Variants in SLC5A5 observed in about 807,000 individuals in gnomAD.
SLC5A5 encodes the protein sodium/iodide cotransporter.
A neutral mutation model predicts 68.6 loss-of-function variants in SLC5A5; 56 were observed. That is an observed-to-expected ratio of 0.82 (90% confidence interval 0.66 to 1.02). SLC5A5 has a LOEUF of 1.02. SLC5A5 is among the 50% of genes least tolerant of loss of function. The pLI, the probability that SLC5A5 is intolerant of heterozygous loss-of-function variation, is 0.00. For synonymous variants in SLC5A5, 398 were observed against 373.0 expected (o/e 1.07, Z -0.77); for missense variants, 807 against 859.8 (o/e 0.94, Z 0.77).
At position 17,888,617 on chromosome 19, in the gene SLC5A5, T is replaced by TATC. The variant is rs59801766; in HGVS notation, c.1651+189_1651+191dup. 6.1e-3 allele frequency among the ~76,000 whole-genome samples: 797 copies of TATC among 131,466 alleles called. 8 individuals carry two copies. Among genetic ancestry groups the TATC allele is most frequent in the African/African-American group, 0.017 (509 of 30,176 alleles). The allele number at this position is 131,466 out of a possible 152,430, so 86.2% of individuals were successfully genotyped here. A position where few individuals can be genotyped will look rare whatever the true frequency, so the allele number is the denominator to read the frequency against. ...TTATTATTATTATTATTATTATTAT[T>TATC]ATCATCATCATCATCATCATCATCA... On this transcript the variant is annotated intron_variant, in intron 13 of 14. Transcript: ENST00000222248.
chr19:17,874,810 C>A, intron 4 of SLC5A5, 79 bp downstream of exon 4: 2 of 1,406,880 alleles, frequency 1.4e-6, no homozygotes, highest in East Asian at 2.3e-5. Flanking sequence ...GGGCTTGCCC[C>A]TTTCTCCTGA....
intron 3 of SLC5A5, 39 bp from the exon 4 acceptor site, chr19:17,874,625 C>A: frequency 6.2e-7 from 1 of 1,613,866 alleles, no homozygotes; most frequent in Non-Finnish European, 8.5e-7. Context: ...AGTTTGCGCC[C>A]CGCCCAGGGG....
chr19:17,891,966 G>A (rs2030189222), intron 14 of SLC5A5, among the ~76,000 whole-genome samples: 1 of 152,138 alleles, frequency 6.6e-6, no homozygotes. Flanking sequence ...TGTAGGGTCT[G>A]TCTCAGTATG....
chr19:17,882,485 G>A (rs1461654661), intron 10 of SLC5A5, among the ~76,000 whole-genome samples: 2 of 151,044 alleles, frequency 1.3e-5, no homozygotes, highest in African/African-American at 2.4e-5. Flanking sequence ...ACAGGTGTGT[G>A]CCACCATGCC....
chr19:17,888,763 G>A (rs2030032488), intron 13 of SLC5A5, among the ~76,000 whole-genome samples: 1 of 151,642 alleles, frequency 6.6e-6, no homozygotes, highest in Non-Finnish European at 1.5e-5. Flanking sequence ...CTCCCGAGTA[G>A]CTGGGATTAC....
intron 10 of SLC5A5, among the ~76,000 whole-genome samples, chr19:17,883,422 A>G (rs1184559694): frequency 6.6e-6 from 1 of 151,648 alleles, no homozygotes; most frequent in Admixed American, 6.6e-5. Flanking sequence ...TAAAAAAAAA[A>G]AAGAAGAAGA....
intron 8 of SLC5A5, among the ~76,000 whole-genome samples, chr19:17,881,174 C>T (rs751503829): frequency 6.6e-6 from 1 of 152,136 alleles, no homozygotes; most frequent in Non-Finnish European, 1.5e-5. Flanking sequence ...CCTGTCAGGG[C>T]CACGCCTGAC....
intron 2 of SLC5A5, 82 bp downstream of exon 2, chr19:17,874,285 C>T (rs2094301374): frequency 2.2e-6 from 2 of 898,786 alleles, no homozygotes; most frequent in Non-Finnish European, 3.6e-6. Flanking sequence ...ATTCAAGACC[C>T]CGCCCAGACC....
At chr19:17,872,703 A>T in intron 1 of SLC5A5, 27 bp downstream of exon 1, 4 of 1,361,590 alleles carry the variant, frequency 2.9e-6, no homozygotes, top group African/African-American at 1.4e-5. Context: ...CGGGGGTAGG[A>T]CCTGCCCCAC....
chr19:17,895,149 G>T lies in SLC5A5; in HGVS notation c.*1272G>T, dbSNP rs374580432. 8.4e-5 allele frequency: 12 copies of T among 143,196 alleles called. No individual in the cohort carries two copies. In the East Asian group the frequency reaches 2.6e-3, roughly 31 times the overall value. 8.9% of individuals were successfully genotyped at this position (143,196 alleles called of 1,614,324 possible). ...ACTTCTGGCTGCTAGAACTGTCAGA[G>T]AATAAATTTCTGTTGTTTGATGCCA... On this transcript the variant is annotated 3_prime_UTR_variant, in exon 15 of 15. Coordinates refer to ENST00000222248, the MANE Select transcript of SLC5A5 (RefSeq NM_000453.3).
chr19:17,885,829 C>A (rs1022863253), intron 12 of SLC5A5, among the ~76,000 whole-genome samples: 1 of 152,004 alleles, frequency 6.6e-6, no homozygotes, highest in Non-Finnish European at 1.5e-5. Context: ...TAAATGGAAT[C>A]ATAAAATATG....
intron 14 of SLC5A5, among the ~76,000 whole-genome samples, chr19:17,892,554 T>C (rs1213366037): frequency 6.6e-6 from 1 of 151,692 alleles, no homozygotes; most frequent in South Asian, 2.1e-4. Context: ...GGAGAATCGA[T>C]TGAACTCAGG....
chr19:17,891,515 A>C (rs997193475), intron 14 of SLC5A5, among the ~76,000 whole-genome samples: 1 of 151,922 alleles, frequency 6.6e-6, no homozygotes, highest in South Asian at 2.1e-4. Flanking sequence ...CTCATCTTCA[A>C]GTTTTTGTTA....
intron 7 of SLC5A5, among the ~76,000 whole-genome samples, chr19:17,879,642 A>G (rs1050180872): frequency 6.6e-6 from 1 of 152,204 alleles, no homozygotes; most frequent in Non-Finnish European, 1.5e-5. Context: ...CAGAGTTAGC[A>G]GAGGGTACGG....
In SLC5A5 at chr19:17,890,932, C is replaced by T. The variant is rs1456809454; in HGVS notation, c.1698C>T (p.Asp566=). Residue 566 remains aspartate (D), a synonymous_variant, in exon 14 of 15, where the codon GAC becomes GAT. Coordinates refer to ENST00000222248, the MANE Select transcript of SLC5A5 (RefSeq NM_000453.3). ...TGGCCCCGGGATTGTTGTGGTGGGA[C>T]CTCGCACGGCAGACAGCATCAGTGG... is the stretch of plus-strand genomic sequence containing the variant. ...STLAPGLLWW[D]LARQTASVAP... is the part of the protein sequence containing the mutation. The T allele has an allele frequency of 6.2e-7, 1 of 1,613,956 alleles. No individual in the cohort carries two copies. Among genetic ancestry groups the T allele is most frequent in the Non-Finnish European group, 8.5e-7 (1 of 1,180,004 alleles).
rs559386303 is a variant in SLC5A5, at chr19:17,872,404, G to A, written c.85G>A (p.Gly29Ser). The A allele has an allele frequency of 6.2e-7, 1 of 1,606,616 alleles. No homozygotes were observed. Among genetic ancestry groups the A allele is most frequent in the African/African-American group, 1.3e-5 (1 of 74,886 alleles). ...TGCCCTCATGCTCCTGGTGTCCACT[G>A]GCATCGGGCTGTGGGTCGGGCTGGC... is the stretch of plus-strand genomic sequence containing the variant. ...VFALMLLVST[G>S]IGLWVGLARG... Residue 29 changes from glycine to serine, a missense_variant, in exon 1 of 15, where the codon GGC becomes AGC. Transcript: ENST00000222248.
At chr19:17,874,025 G>A (rs7255301) in intron 1 of SLC5A5, 113 bp from the exon 2 acceptor site, 31,909 of 751,464 alleles carry the variant, frequency 0.042, 2,092 homozygotes, top group East Asian at 0.2. Context: ...AGAATCTGGC[G>A]GGCGCGGTTG....
intron 14 of SLC5A5, 45 bp downstream of exon 14, chr19:17,891,046 C>A: frequency 8.1e-7 from 1 of 1,227,370 alleles, no homozygotes. Context: ...AGCCAAGTGA[C>A]TTTAGGACGT....
rs559745541 is a variant in SLC5A5 at position 17,876,032 on chromosome 19, C to T, written c.624C>T (p.Arg208=). ...MLSGFWVVLA[R]GVMLVGGPRQ... is the part of the protein sequence containing the mutation. ...GTGGCTTCTGGGTTGTCCTGGCACG[C>T]GGTGTCATGCTTGTGGGCGGGCCCC... is the stretch of plus-strand genomic sequence containing the variant. The change falls in exon 5 of 15, where the codon CGC becomes CGT. Residue 208 remains arginine (R), a synonymous_variant. Coordinates refer to ENST00000222248, the MANE Select transcript of SLC5A5 (RefSeq NM_000453.3). 44 of 1,614,144 alleles carry T rather than the reference C, an allele frequency of 2.7e-5. No homozygotes were observed. The highest frequency in any genetic ancestry group is 1.6e-4 in the Middle Eastern group (1 of 6,062).
Sources: gnomAD v4.1 joint callset for allele counts (sites outside exome capture counted in the v4.1 genomes callset) on GRCh38, gnomAD v4.1.1 for gene constraint, MANE v1.5 for transcripts, NCBI Gene and HGNC (gene_info 2026-07-23, HGNC 2026-07-21) for gene names.